Variants in ADGRF5 observed in about 807,000 individuals in gnomAD.
ADGRF5 encodes the protein adhesion G protein-coupled receptor F5, also known as G-protein coupled receptor 116.
ADGRF5 carries 75 observed loss-of-function variants against 132.3 expected under a neutral mutation model. The observed-to-expected ratio is 0.57, with a 90% CI of 0.47 to 0.69. ADGRF5 has a LOEUF of 0.69. Among genes scored for constraint, ADGRF5 ranks in the 30% least tolerant of loss-of-function variants. The pLI is 0.00. For missense variants in ADGRF5, 1,516 were observed against 1,630.6 expected (o/e 0.93, Z 1.21); for synonymous variants, 629 against 597.6 (o/e 1.05, Z -0.77).
intron 10 of ADGRF5, among the ~76,000 whole-genome samples, chr6:46,872,896 C>G (rs1000127794): frequency 6.6e-6 from 1 of 152,102 alleles, no homozygotes; most frequent in Non-Finnish European, 1.5e-5. Context: ...CTTTTTCAGC[C>G]GTGGCTGATC....
chr6:46,904,563 T>C (rs996935611), intron 2 of ADGRF5, among the ~76,000 whole-genome samples: 27 of 152,100 alleles, frequency 1.8e-4, no homozygotes, highest in African/African-American at 6.3e-4. Flanking sequence ...AAATGAGGAG[T>C]TATTGACAAA....
chr6:46,873,882 C>T (rs1480773775), intron 10 of ADGRF5, among the ~76,000 whole-genome samples: 4 of 152,186 alleles, frequency 2.6e-5, no homozygotes, highest in African/African-American at 4.8e-5. Flanking sequence ...CTTGCATGCA[C>T]TCACCTTTTA....
intron 1 of ADGRF5, among the ~76,000 whole-genome samples, chr6:46,945,371 C>T (rs1168930256): frequency 6.6e-5 from 10 of 152,150 alleles, no homozygotes. Flanking sequence ...TGAAAGAGAA[C>T]AAGATGTTAT....
At chr6:46,949,579 T>C (rs1004063117) in intron 1 of ADGRF5, among the ~76,000 whole-genome samples, 1 of 152,210 alleles carries the variant, frequency 6.6e-6, no homozygotes, top group Admixed American at 6.5e-5. Context: ...AAGTCAAATA[T>C]TCCATTCATA....
chr6:46,867,797 G>T (rs1032501424), intron 12 of ADGRF5, among the ~76,000 whole-genome samples: 1 of 7,964 alleles, frequency 1.3e-4, no homozygotes, highest in African/African-American at 1.4e-4. Flanking sequence ...TTCCTGCTGC[G>T]GGGGGGAAGA....
rs186905698 is a variant in ADGRF5 at position 46,950,754 on chromosome 6, C to T, written c.-25+3980G>A. Among the ~76,000 whole-genome samples, 164 of 152,258 alleles carry T rather than the reference C, an allele frequency of 1.1e-3. 1 individual carries two copies. Among genetic ancestry groups the T allele is most frequent in the Middle Eastern group, 6.8e-3 (2 of 294 alleles). ...GGTCTCGATCTCTTGACTTCGTGAT[C>T]CGCTCACCTCAGCCTCCCAAAGTGC... On this transcript the variant is annotated intron_variant, in intron 1 of 20. Coordinates refer to the ADGRF5 transcript ENST00000265417.
At chr6:46,898,093 C>T (rs761268445) in intron 3 of ADGRF5, among the ~76,000 whole-genome samples, 2 of 152,180 alleles carry the variant, frequency 1.3e-5, no homozygotes, top group South Asian at 2.1e-4. Context: ...AATGAAAGCA[C>T]ACCTGGAAAA....
At position 46,884,282 on chromosome 6, in the gene ADGRF5, T is replaced by A; in HGVS notation, c.329-11A>T. The stretch of plus-strand genomic sequence containing the variant: ...CAGCAGGTCTGCAGACTATCGTTAA[T>A]CAGAACAGCAAGGAGAGAGAAGGTG... On this transcript the variant is annotated splice_polypyrimidine_tract_variant and intron_variant, in intron 4 of 20. Coordinates refer to ENST00000283296, the MANE Select transcript of ADGRF5 (RefSeq NM_001098518.2). 6.2e-7 allele frequency: 1 copy of A among 1,609,200 alleles called. No individual in the cohort carries two copies. Among genetic ancestry groups the A allele is most frequent in the Middle Eastern group, 1.7e-4 (1 of 6,040 alleles).
At chr6:46,944,884 G>A (rs1778243199) in intron 1 of ADGRF5, among the ~76,000 whole-genome samples, 1 of 152,114 alleles carries the variant, frequency 6.6e-6, no homozygotes, top group Non-Finnish European at 1.5e-5. Context: ...ACTTCTGGGA[G>A]ACAGGAGGTT....
At chr6:46,881,368 T>C in intron 8 of ADGRF5, 87 bp downstream of exon 8, 1 of 1,189,698 alleles carries the variant, frequency 8.4e-7, no homozygotes, top group Non-Finnish European at 1.2e-6. Flanking sequence ...GTGTCTAGCT[T>C]CCCAGAGGAC....
rs117945872 is a variant in ADGRF5, at chr6:46,853,970, C to A, written c.*22G>T. 4.5e-6 allele frequency: 7 copies of A among 1,543,568 alleles called. No individual in the cohort carries two copies. In the East Asian group the frequency reaches 7.1e-5, roughly 16 times the overall value. ...CACAGCCACTGTCCCCGGGAGGTCACGTAGGTTGGATTATCCTGTTCTTAG... is the reference window on the plus strand; with the variant it reads ...CACAGCCACTGTCCCCGGGAGGTCAAGTAGGTTGGATTATCCTGTTCTTAG... On this transcript the variant is annotated 3_prime_UTR_variant, in exon 21 of 21. Coordinates refer to ENST00000283296, the MANE Select transcript of ADGRF5 (RefSeq NM_001098518.2).
rs142588297 is a variant in ADGRF5 at position 46,858,474 on chromosome 6, C to T, written c.3429G>A (p.Ser1143=). Residue 1143 remains serine, a synonymous_variant, in exon 17 of 21, where the codon TCG becomes TCA. Coordinates refer to ENST00000283296, the MANE Select transcript of ADGRF5 (RefSeq NM_001098518.2). ...GCTGGGTGGCTCCCAGCGTGATGAC[C>T]GAGATGGCAAGTGGGCAGCCATAGC... The part of the protein sequence containing the change: ...CLGYGCPLAI[S]VITLGATQPR... The T allele has an allele frequency of 1.4e-5, 23 of 1,613,820 alleles. No homozygotes were observed. Among genetic ancestry groups the T allele is most frequent in the African/African-American group, 4.0e-5 (3 of 75,002 alleles).
intron 1 of ADGRF5, among the ~76,000 whole-genome samples, chr6:46,921,293 C>T (rs904280388): frequency 7.2e-5 from 11 of 152,368 alleles, no homozygotes; most frequent in African/African-American, 2.6e-4. Context: ...GATGCAGCCT[C>T]TTCCTTCCTC....
At chr6:46,937,983 C>T (rs143034486) in intron 1 of ADGRF5, among the ~76,000 whole-genome samples, 87 of 152,200 alleles carry the variant, frequency 5.7e-4, no homozygotes, top group Admixed American at 2.1e-3. Flanking sequence ...CCCCACTTGA[C>T]CATGAGTGGC....
intron 1 of ADGRF5, among the ~76,000 whole-genome samples, chr6:46,910,590 G>A (rs1489844714): frequency 2.6e-5 from 4 of 151,974 alleles, no homozygotes; most frequent in Non-Finnish European, 4.4e-5. Flanking sequence ...AATTCACTGA[G>A]GCCACACAGC....
intron 10 of ADGRF5, among the ~76,000 whole-genome samples, chr6:46,877,585 A>G (rs748796342): frequency 2.6e-5 from 4 of 152,034 alleles, no homozygotes; most frequent in Non-Finnish European, 4.4e-5. Flanking sequence ...TATTACCATT[A>G]TTATTATTCA....
chr6:46,866,835 A>T (rs1770507476), intron 13 of ADGRF5, 90 bp downstream of exon 13: 1 of 720,620 alleles, frequency 1.4e-6, no homozygotes, highest in South Asian at 1.8e-5. Flanking sequence ...ATACAATCCT[A>T]TGTCTCTTGA....
intron 1 of ADGRF5, among the ~76,000 whole-genome samples, chr6:46,942,912 G>A (rs1236639860): frequency 1.3e-5 from 2 of 152,106 alleles, no homozygotes; most frequent in Non-Finnish European, 2.9e-5. Flanking sequence ...ATTTGGTTTG[G>A]TGGTTTGAGT....
chr6:46,884,412 G>A (rs1050332527), intron 4 of ADGRF5, 141 bp from the exon 5 acceptor site: 3 of 625,358 alleles, frequency 4.8e-6, no homozygotes, highest in Non-Finnish European at 8.3e-6. Flanking sequence ...CAATAGCACT[G>A]CATAAAATTG....
Sources: allele counts gnomAD v4.1 joint callset (sites outside exome capture counted in the v4.1 genomes callset), GRCh38; gene constraint gnomAD v4.1.1; transcripts MANE v1.5; gene names NCBI Gene and HGNC (gene_info 2026-07-23, HGNC 2026-07-21).